The following DOK6 variants were observed in gnomAD, a reference collection of about 807,000 sequenced individuals.
DOK6 encodes the protein docking protein 6.
A neutral mutation model predicts 44.0 loss-of-function variants in DOK6; 22 were observed. The observed-to-expected ratio is 0.50, with a 90% CI of 0.36 to 0.71. The LOEUF (loss-of-function observed/expected upper bound fraction) is 0.71, where lower values mean the gene tolerates loss of function less well. Ranked by LOEUF, DOK6 falls within the 30% of genes least tolerant of loss-of-function variation. DOK6 has a pLI of 0.00. For synonymous variants in DOK6, 166 were observed against 145.5 expected, an observed-to-expected ratio of 1.14 and a Z score of -1.01; for missense variants, 340 against 416.4, an observed-to-expected ratio of 0.82 and a Z score of 1.60.
chr18:69,707,403 G>A (rs1381152352), intron 5 of DOK6, among the ~76,000 whole-genome samples: 2 of 152,164 alleles, frequency 1.3e-5, no homozygotes, highest in Admixed American at 6.5e-5. Flanking sequence ...GTTCTACTAA[G>A]AGGCAAGAGC....
At chr18:69,840,468 G>A (rs929173603) in intron 7 of DOK6, among the ~76,000 whole-genome samples, 5 of 152,244 alleles carry the variant, frequency 3.3e-5, no homozygotes, top group African/African-American at 1.2e-4. Flanking sequence ...TAGCATGCAT[G>A]CGTTTCTCTG....
intron 7 of DOK6, among the ~76,000 whole-genome samples, chr18:69,795,086 T>C (rs1364858640): frequency 1.3e-5 from 2 of 152,124 alleles, no homozygotes; most frequent in Non-Finnish European, 2.9e-5. Context: ...CCCACCCTGA[T>C]CCATGGAAAA....
intron 1 of DOK6, among the ~76,000 whole-genome samples, chr18:69,507,679 G>A (rs543670513): frequency 3.0e-4 from 45 of 151,954 alleles, no homozygotes; most frequent in African/African-American, 9.7e-4. Context: ...TAAAGTTTTT[G>A]ATCTTCATTG....
At chr18:69,691,963 A>G (rs550237979) in intron 4 of DOK6, among the ~76,000 whole-genome samples, 2 of 152,322 alleles carry the variant, frequency 1.3e-5, no homozygotes, top group East Asian at 3.9e-4. Flanking sequence ...AGAGAGCGGT[A>G]GCATTTGAAT....
intron 1 of DOK6, among the ~76,000 whole-genome samples, chr18:69,505,491 CTTTTT>C (rs772908185): frequency 3.4e-5 from 3 of 88,568 alleles, no homozygotes; most frequent in East Asian, 3.7e-4. Context: ...TACTCCCATT[CTTTTT>C]TTTTTTTTTT....
intron 5 of DOK6, among the ~76,000 whole-genome samples, chr18:69,735,095 T>A (rs1049752558): frequency 6.6e-6 from 1 of 152,160 alleles, no homozygotes; most frequent in African/African-American, 2.4e-5. Context: ...AATATATACA[T>A]CCACATGATC....
chr18:69,493,707 T>C (rs1474166477), intron 1 of DOK6, among the ~76,000 whole-genome samples: 1 of 152,214 alleles, frequency 6.6e-6, no homozygotes, highest in Non-Finnish European at 1.5e-5. Context: ...TGATATCTCC[T>C]AAATTGGTGA....
At chr18:69,634,676 A>C (rs1216958116) in intron 3 of DOK6, among the ~76,000 whole-genome samples, 3 of 152,198 alleles carry the variant, frequency 2.0e-5, no homozygotes, top group Non-Finnish European at 4.4e-5. Flanking sequence ...ACTTAGAGAA[A>C]TGAACAAGAG....
chr18:69,451,821 AT>A, intron 1 of DOK6, among the ~76,000 whole-genome samples: 1 of 114,840 alleles, frequency 8.7e-6, no homozygotes, highest in African/African-American at 3.4e-5. Flanking sequence ...TACTGGGTAC[AT>A]AACGAAATGA....
intron 7 of DOK6, 102 bp downstream of exon 7, chr18:69,757,975 C>T: frequency 1.0e-6 from 1 of 1,002,994 alleles, no homozygotes; most frequent in Non-Finnish European, 1.6e-6. Context: ...CTTTTCCTCC[C>T]ATTCCCATTT....
intron 3 of DOK6, among the ~76,000 whole-genome samples, chr18:69,612,218 A>T (rs1333802918): frequency 2.0e-4 from 1 of 4,902 alleles, no homozygotes; most frequent in Admixed American, 2.7e-3. Flanking sequence ...TATTTAAGTT[A>T]AAAAAAACCA....
chr18:69,455,868 C>A (rs977557192), intron 1 of DOK6, among the ~76,000 whole-genome samples: 1 of 152,058 alleles, frequency 6.6e-6, no homozygotes, highest in Non-Finnish European at 1.5e-5. Flanking sequence ...AAAATCCATA[C>A]AAATAATGAC....
intron 1 of DOK6, 72 bp downstream of exon 1, chr18:69,401,382 G>C: frequency 7.1e-7 from 1 of 1,405,624 alleles, no homozygotes; most frequent in Non-Finnish European, 9.4e-7. Context: ...GGGGGGGGCA[G>C]GGAGAGGTGA....
chr18:69,517,141 A>G (rs908596640), intron 1 of DOK6, among the ~76,000 whole-genome samples: 8 of 152,208 alleles, frequency 5.3e-5, no homozygotes, highest in Non-Finnish European at 8.8e-5. Context: ...TTCTTGGTCA[A>G]TAAGTGAGAT....
intron 3 of DOK6, among the ~76,000 whole-genome samples, chr18:69,665,634 G>A (rs1317390251): frequency 1.3e-5 from 2 of 152,164 alleles, no homozygotes; most frequent in African/African-American, 4.8e-5. Context: ...TTCTTCAGAT[G>A]CTTTCTGCCC....
At chr18:69,607,502 A>AG (rs1484374860) in intron 3 of DOK6, among the ~76,000 whole-genome samples, 1 of 127,778 alleles carries the variant, frequency 7.8e-6, no homozygotes, top group African/African-American at 2.9e-5. Context: ...CTTGGATATA[A>AG]AAAAAATTAA....
At chr18:69,689,994 AT>A (rs892562474) in intron 4 of DOK6, among the ~76,000 whole-genome samples, 50 of 152,218 alleles carry the variant, frequency 3.3e-4, no homozygotes, top group African/African-American at 1.0e-3. Context: ...GTGTGTGAAT[AT>A]TTTTGTATAT....
At chr18:69,633,020 A>G (rs1490866514) in intron 3 of DOK6, among the ~76,000 whole-genome samples, 1 of 152,150 alleles carries the variant, frequency 6.6e-6, no homozygotes, top group Non-Finnish European at 1.5e-5. Context: ...TAGATTCTCC[A>G]TGTCTGGTCC....
chr18:69,480,538 A>G (rs570073601), intron 1 of DOK6, among the ~76,000 whole-genome samples: 118 of 152,286 alleles, frequency 7.7e-4, no homozygotes, highest in Non-Finnish European at 1.4e-3. Flanking sequence ...CTCTTCTGTA[A>G]TTAATATTCT....
Sources: allele counts gnomAD v4.1 joint callset (sites outside exome capture counted in the v4.1 genomes callset), GRCh38; gene constraint gnomAD v4.1.1; transcripts MANE v1.5; gene names NCBI Gene and HGNC (gene_info 2026-07-23, HGNC 2026-07-21).